The following ADAMTSL1 variants were observed in gnomAD, a reference collection of about 807,000 sequenced individuals.
The protein encoded by ADAMTSL1 is ADAMTS like 1.
Under a neutral mutation model 201.8 loss-of-function variants are expected in ADAMTSL1, and 126 were observed. The observed-to-expected ratio is 0.62, with a 90% CI of 0.54 to 0.72. ADAMTSL1 has a LOEUF of 0.72. Ranked by LOEUF, ADAMTSL1 falls within the 30% of genes least tolerant of loss-of-function variation. ADAMTSL1 has a pLI of 0.00. For missense variants in ADAMTSL1, 2,679 were observed against 2,277.8 expected (o/e 1.18, Z -3.59); for synonymous variants, 1,121 against 903.4 (o/e 1.24, Z -4.32).
chr9:18,013,467 T>C (rs1380775755), intron 1 of ADAMTSL1, among the ~76,000 whole-genome samples: 4 of 152,020 alleles, frequency 2.6e-5, no homozygotes, highest in African/African-American at 9.7e-5. Flanking sequence ...CAAGTAAAAT[T>C]GCAGAGCAAC....
intron 26 of ADAMTSL1, among the ~76,000 whole-genome samples, chr9:18,894,963 A>C (rs1180801874): frequency 6.6e-6 from 1 of 152,220 alleles, no homozygotes; most frequent in African/African-American, 2.4e-5. Context: ...TCCAGAAGGA[A>C]GGAAGTCAAT....
chr9:18,116,727 T>C (rs570818601), intron 1 of ADAMTSL1, among the ~76,000 whole-genome samples: 32 of 152,326 alleles, frequency 2.1e-4, no homozygotes, highest in African/African-American at 7.2e-4. Flanking sequence ...AATTTTATTA[T>C]GATTATACTT....
chr9:18,092,198 C>G (rs892070789), intron 1 of ADAMTSL1, among the ~76,000 whole-genome samples: 4 of 152,080 alleles, frequency 2.6e-5, no homozygotes, highest in African/African-American at 9.7e-5. Flanking sequence ...TCACAGATCT[C>G]TCAAGACAGT....
chr9:18,114,313 C>T (rs965974624), intron 1 of ADAMTSL1, among the ~76,000 whole-genome samples: 2 of 152,118 alleles, frequency 1.3e-5, no homozygotes, highest in Admixed American at 1.3e-4. Context: ...CTATGCAAAC[C>T]AAACAGCTTA....
intron 20 of ADAMTSL1, among the ~76,000 whole-genome samples, chr9:18,796,111 A>G (rs759598602): frequency 4.6e-5 from 7 of 152,232 alleles, no homozygotes; most frequent in Admixed American, 2.0e-4. Flanking sequence ...TGCAACTCAG[A>G]GTACCATGTC....
rs548588816 is a variant in ADAMTSL1, at chr9:18,432,931, C to G, written c.208-71898C>G. On this transcript the variant is annotated intron_variant, in intron 2 of 29. Transcript: ENST00000680146. ...CTTGCTTTAGCTTTTGAAACTTTGA[C>G]TACAGGAAACTATGTAGAGGTTTTA... Among the ~76,000 whole-genome samples, 3 of 152,252 alleles carry G rather than the reference C, an allele frequency of 2.0e-5. No individual in the cohort carries two copies. In the South Asian group the frequency reaches 6.2e-4, roughly 32 times the overall value.
intron 16 of ADAMTSL1, among the ~76,000 whole-genome samples, chr9:18,757,941 T>A (rs1238316262): frequency 6.6e-6 from 1 of 152,240 alleles, no homozygotes; most frequent in Non-Finnish European, 1.5e-5. Flanking sequence ...CATCACTTTC[T>A]CTGTGTTCAG....
In ADAMTSL1 at chr9:17,932,405, T is replaced by A. The variant is rs1045664294; in HGVS notation, c.87+25483T>A. Among the ~76,000 whole-genome samples the A allele has an allele frequency of 5.0e-4, 76 of 152,020 alleles. 4 individuals are homozygous for A. Among genetic ancestry groups the A allele is most frequent in the Non-Finnish European group, 8.8e-5 (6 of 67,992 alleles). ...TTTCGAGGAGGAAAAAAGGGAGAAA[T>A]GATTGAATTTGCCATTGAGTGGCTA... is the stretch of plus-strand genomic sequence containing the variant. On this transcript the variant is annotated intron_variant, in intron 1 of 29. Transcript: ENST00000680146.
At chr9:18,251,654 AGACC>A (rs1230634798) in intron 2 of ADAMTSL1, among the ~76,000 whole-genome samples, 2 of 152,206 alleles carry the variant, frequency 1.3e-5, no homozygotes, top group East Asian at 3.8e-4. Flanking sequence ...GGGTGTGACA[AGACC>A]CAAGAAAGTC....
At chr9:18,065,904 C>A (rs995440138) in intron 1 of ADAMTSL1, among the ~76,000 whole-genome samples, 2 of 146,364 alleles carry the variant, frequency 1.4e-5, no homozygotes, top group Non-Finnish European at 3.0e-5. Flanking sequence ...TCACTTGAAC[C>A]TGGGAGGCGG....
At chr9:18,778,969 C>T (rs1821223533) in intron 19 of ADAMTSL1, among the ~76,000 whole-genome samples, 1 of 152,166 alleles carries the variant, frequency 6.6e-6, no homozygotes, top group Non-Finnish European at 1.5e-5. Flanking sequence ...TATCTAAATG[C>T]TATTGTTTGA....
At chr9:18,503,421 G>GTGTGTA (rs376466829) in intron 1 of ADAMTSL1, among the ~76,000 whole-genome samples, 44 of 115,224 alleles carry the variant, frequency 3.8e-4, no homozygotes, top group Non-Finnish European at 6.7e-4. Flanking sequence ...ATTCCATTGT[G>GTGTGTA]TATATATATA....
At position 18,271,889 on chromosome 9, in the gene ADAMTSL1, C is replaced by G. The variant is rs980225631; in HGVS notation, c.207+107908C>G. ...CATTCTAACTGGTGTGAGATGGTATCTCATTGTGGTTTTGATTTGCATTTC... is the reference window on the plus strand; with the variant it reads ...CATTCTAACTGGTGTGAGATGGTATGTCATTGTGGTTTTGATTTGCATTTC... On this transcript the variant is annotated intron_variant, in intron 2 of 29. Transcript: ENST00000680146. Among the ~76,000 whole-genome samples the G allele has an allele frequency of 2.6e-5, 4 of 152,172 alleles. No individual in the cohort carries two copies. The East Asian group carries it at 7.7e-4, about 29-fold the overall frequency.
At chr9:17,919,868 C>T (rs987068430) in intron 1 of ADAMTSL1, among the ~76,000 whole-genome samples, 3 of 152,018 alleles carry the variant, frequency 2.0e-5, no homozygotes, top group Admixed American at 6.6e-5. Flanking sequence ...AAATAGTACA[C>T]TATATTTAAT....
chr9:18,886,166 G>GTATGTGTATA (rs55916376), intron 23 of ADAMTSL1, among the ~76,000 whole-genome samples: 136 of 37,008 alleles, frequency 3.7e-3, no homozygotes, highest in Non-Finnish European at 5.2e-3. Context: ...GTGTGTATGT[G>GTATGTGTATA]TATATATATA....
At chr9:18,686,120 C>T (rs747211954) in intron 13 of ADAMTSL1, among the ~76,000 whole-genome samples, 1 of 152,094 alleles carries the variant, frequency 6.6e-6, no homozygotes, top group African/African-American at 2.4e-5. Flanking sequence ...TGGGGTTCTC[C>T]ATGTTTCCCA....
At chr9:18,097,764 C>A (rs1024135413) in intron 1 of ADAMTSL1, among the ~76,000 whole-genome samples, 1 of 152,050 alleles carries the variant, frequency 6.6e-6, no homozygotes, top group African/African-American at 2.4e-5. Flanking sequence ...TCATTTAATT[C>A]TTATCTTCCC....
At chr9:17,932,148 G>T (rs1457836785) in intron 1 of ADAMTSL1, among the ~76,000 whole-genome samples, 1 of 152,156 alleles carries the variant, frequency 6.6e-6, no homozygotes, top group South Asian at 2.1e-4. Context: ...TGCTAATTGG[G>T]TGGGATTTCG....
intron 5 of ADAMTSL1, 83 bp downstream of exon 5, chr9:18,622,452 G>A: frequency 3.2e-6 from 5 of 1,582,168 alleles, no homozygotes; most frequent in Non-Finnish European, 4.3e-6. Context: ...AAACAGCCAG[G>A]GAACAACACC....
Sources: gnomAD v4.1 joint callset for allele counts (sites outside exome capture counted in the v4.1 genomes callset) on GRCh38, gnomAD v4.1.1 for gene constraint, MANE v1.5 for transcripts, NCBI Gene and HGNC (gene_info 2026-07-23, HGNC 2026-07-21) for gene names.